Variants in R3HDM1 observed in about 807,000 individuals in gnomAD.
The protein encoded by R3HDM1 is R3H domain containing 1, also known as R3H domain-containing protein 1.
In R3HDM1, 46 loss-of-function variants were observed where a neutral mutation model predicts 141.1. The observed-to-expected ratio is 0.33, with a 90% confidence interval of 0.26 to 0.42. The LOEUF is 0.42. Among genes scored for constraint, R3HDM1 ranks in the 10% least tolerant of loss-of-function variants. The pLI is 1.00. For synonymous variants in R3HDM1, 435 were observed against 472.9 expected (o/e 0.92, Z 1.04); for missense variants, 1,184 against 1,368.3 (o/e 0.87, Z 2.12).
chr2:135,583,514 G>A (rs545471714), intron 1 of R3HDM1, among the ~76,000 whole-genome samples: 1 of 152,208 alleles, frequency 6.6e-6, no homozygotes, highest in South Asian at 2.1e-4. Flanking sequence ...AGATTATCTT[G>A]TTCAATGACC....
At chr2:135,594,977 A>ACCCCC (rs58907969) in intron 1 of R3HDM1, among the ~76,000 whole-genome samples, 4 of 139,384 alleles carry the variant, frequency 2.9e-5, no homozygotes, top group African/African-American at 7.9e-5. Flanking sequence ...GGGATTCTAC[A>ACCCCC]CCCCCCCCCC....
At chr2:135,710,033 A>G (rs2075437207) in intron 22 of R3HDM1, 26 bp from the exon 23 acceptor site, 4 of 1,606,048 alleles carry the variant, frequency 2.5e-6, no homozygotes, top group African/African-American at 1.3e-5. Context: ...TATTCTGACT[A>G]TAGCATCCTA....
chr2:135,700,783 G>A (rs1312298875), intron 21 of R3HDM1, among the ~76,000 whole-genome samples: 1 of 152,094 alleles, frequency 6.6e-6, no homozygotes, highest in African/African-American at 2.4e-5. Context: ...ATTTTCATGT[G>A]GAATTTCCCA....
At chr2:135,703,772 T>G (rs1274715835) in intron 21 of R3HDM1, among the ~76,000 whole-genome samples, 1 of 152,166 alleles carries the variant, frequency 6.6e-6, no homozygotes, top group Admixed American at 6.6e-5. Context: ...ATTTTGACAT[T>G]TATTTTCATT....
intron 5 of R3HDM1, among the ~76,000 whole-genome samples, chr2:135,618,436 A>G (rs1180693162): frequency 6.7e-6 from 1 of 148,986 alleles, no homozygotes; most frequent in Non-Finnish European, 1.5e-5. Context: ...TGCTAGGATT[A>G]CAAGTGTGAG....
intron 1 of R3HDM1, among the ~76,000 whole-genome samples, chr2:135,602,050 C>A (rs1392303639): frequency 2.1e-5 from 2 of 94,636 alleles, no homozygotes; most frequent in Non-Finnish European, 4.6e-5. Context: ...TTTATTTTTT[C>A]TTTTGTATTT....
At position 135,680,292 on chromosome 2, in the gene R3HDM1, T is replaced by G. The variant is rs746524013; in HGVS notation, c.2427T>G (p.Ser809Arg). ...CAACAGGAATGCCTGTTTACTATAG[T>G]GTCATTCCACCTGGTCAACAAAACA... is the stretch of plus-strand genomic sequence containing the variant. ...MPTTGMPVYYSVIPPGQQNNL... is the reference protein window; with the variant it reads ...MPTTGMPVYYRVIPPGQQNNL... Residue 809 changes from serine to arginine, a missense_variant, in exon 21 of 27, where the codon AGT becomes AGG. This residue lies in a region of R3HDM1 where 563 missense variants were observed against 562.0 expected (regional missense o/e 1.00). Coordinates refer to ENST00000683871, the MANE Select transcript of R3HDM1 (RefSeq NM_001378107.1). 6.2e-7 allele frequency: 1 copy of G among 1,614,064 alleles called. No individual in the cohort carries two copies. The highest frequency in any genetic ancestry group is 1.1e-5 in the South Asian group (1 of 91,074).
chr2:135,578,063 C>G (rs985450165), intron 1 of R3HDM1, among the ~76,000 whole-genome samples: 2 of 152,122 alleles, frequency 1.3e-5, no homozygotes, highest in African/African-American at 4.8e-5. Context: ...GGAATCTTCT[C>G]TAAAGAAGTT....
At position 135,587,923 on chromosome 2, in the gene R3HDM1, C is replaced by A. The variant is rs1044473395; in HGVS notation, c.-249-14577C>A. Among the ~76,000 whole-genome samples the A allele has an allele frequency of 3.9e-4, 59 of 151,670 alleles. 1 individual carries two copies. The highest frequency in any genetic ancestry group is 1.4e-3 in the African/African-American group (58 of 41,282). On this transcript the variant is annotated intron_variant, in intron 1 of 26. Transcript: ENST00000683871. ...CTCCCTATCCCCACCCATTTTTCTC[C>A]CCCTCTCCCTCTACATTTGTCTTTC... is the stretch of plus-strand genomic sequence containing the variant.
chr2:135,645,753 T>G (rs1043260905), intron 16 of R3HDM1, among the ~76,000 whole-genome samples: 2 of 152,220 alleles, frequency 1.3e-5, no homozygotes, highest in Non-Finnish European at 2.9e-5. Context: ...TTTAATCATA[T>G]GAGCCTGTCT....
At position 135,645,659 on chromosome 2, in the gene R3HDM1, A is replaced by C. The variant is rs2064317004; in HGVS notation, c.1623+132A>C. On this transcript the variant is annotated intron_variant, in intron 16 of 26. Transcript: ENST00000683871. Reference sequence around the variant, plus strand: ...AATATTCTGCCACTAGTGATATTCCACTCACTACTCATAGGAAAAGAGATA... The same window carrying C: ...AATATTCTGCCACTAGTGATATTCCCCTCACTACTCATAGGAAAAGAGATA... 3.8e-6 allele frequency: 4 copies of C among 1,053,972 alleles called. 1 individual carries two copies. In the East Asian group the frequency reaches 7.4e-5, roughly 20 times the overall value. The allele number at this position is 1,053,972 out of a possible 1,614,324, so 65.3% of individuals were successfully genotyped here. A position where few individuals can be genotyped will look rare whatever the true frequency, so the allele number is the denominator to read the frequency against.
intron 11 of R3HDM1, 123 bp downstream of exon 11, chr2:135,636,306 A>T: frequency 7.1e-7 from 1 of 1,405,714 alleles, no homozygotes; most frequent in Non-Finnish European, 9.3e-7. Context: ...ACATAAGGTC[A>T]TCTTTTAGAA....
At chr2:135,615,407 A>G (rs1225093562) in intron 3 of R3HDM1, among the ~76,000 whole-genome samples, 2 of 152,142 alleles carry the variant, frequency 1.3e-5, no homozygotes, top group African/African-American at 4.8e-5. Context: ...AAATTGGAAG[A>G]AAGGAGTGTT....
intron 1 of R3HDM1, among the ~76,000 whole-genome samples, chr2:135,577,574 G>A (rs966054277): frequency 6.6e-6 from 1 of 151,898 alleles, no homozygotes; most frequent in Admixed American, 6.6e-5. Context: ...ATAAGCTCAC[G>A]CCTGTAATCC....
intron 1 of R3HDM1, among the ~76,000 whole-genome samples, chr2:135,561,752 G>A (rs1367521340): frequency 2.0e-5 from 3 of 151,676 alleles, no homozygotes; most frequent in African/African-American, 7.3e-5. Flanking sequence ...TAAAATAAAA[G>A]TTGTATTAAC....
intron 18 of R3HDM1, among the ~76,000 whole-genome samples, chr2:135,653,914 T>C (rs770032804): frequency 6.6e-6 from 1 of 152,202 alleles, no homozygotes; most frequent in Non-Finnish European, 1.5e-5. Context: ...TTATGTGGTT[T>C]TTTGTTCAGG....
chr2:135,708,958 CAAAA>C (rs374959932), intron 21 of R3HDM1, among the ~76,000 whole-genome samples: 4 of 102,966 alleles, frequency 3.9e-5, no homozygotes, highest in African/African-American at 1.3e-4. Flanking sequence ...AACTCTGTCT[CAAAA>C]AAAAAAAAAA....
At chr2:135,672,309 T>G (rs1452857144) in intron 19 of R3HDM1, among the ~76,000 whole-genome samples, 1 of 152,220 alleles carries the variant, frequency 6.6e-6, no homozygotes, top group Non-Finnish European at 1.5e-5. Context: ...CCTTTGCTTC[T>G]TCACCAGTAT....
chr2:135,604,856 C>G lies in R3HDM1; in HGVS notation c.11C>G (p.Ser4Cys), dbSNP rs1439830707. The G allele has an allele frequency of 1.2e-6, 2 of 1,612,044 alleles. No homozygotes were observed. The highest frequency in any genetic ancestry group is 1.7e-6 in the Non-Finnish European group (2 of 1,178,888). Reference protein sequence around the residue: MRMSDTVTVKDETA... With the variant: MRMCDTVTVKDETA... Reference sequence around the variant, plus strand: ...AAATAACCTTTTCTAATGAGGATGTCTGATACTGTTACTGTAAAAGATGAA... The same window carrying G: ...AAATAACCTTTTCTAATGAGGATGTGTGATACTGTTACTGTAAAAGATGAA... The change falls in exon 3 of 27, where the codon TCT becomes TGT. Residue 4 changes from serine to cysteine, a missense_variant. Transcript: ENST00000683871.
Sources: allele counts gnomAD v4.1 joint callset (sites outside exome capture counted in the v4.1 genomes callset), GRCh38; gene constraint gnomAD v4.1.1; regional missense constraint gnomAD v4.1.1; transcripts MANE v1.5; gene names NCBI Gene and HGNC (gene_info 2026-07-23, HGNC 2026-07-21).